Variants in CCR5AS observed in about 807,000 individuals in gnomAD.
CCR5AS encodes CCR5 antisense RNA.
chr3:46,387,356 C>G (rs1240257301), intron 2 of CCR5AS, among the ~76,000 whole-genome samples: 1 of 152,194 alleles, frequency 6.6e-6, no homozygotes, highest in African/African-American at 2.4e-5. Context: ...TTTCCTATGA[C>G]CAATGCCACC....
intron 2 of CCR5AS, chr3:46,373,654 A>C: frequency 1.2e-6 from 2 of 1,614,144 alleles, no homozygotes; most frequent in East Asian, 2.2e-5. Context: ...TGGGCTCCCT[A>C]CAACATTGTC....
intron 1 of CCR5AS, among the ~76,000 whole-genome samples, chr3:46,403,344 A>C (rs916094): frequency 0.25 from 37,414 of 152,178 alleles, 7,268 homozygotes; most frequent in African/African-American, 0.54. Context: ...TCATCCTAGC[A>C]TTTCCCCATC....
intron 3 of CCR5AS, among the ~76,000 whole-genome samples, chr3:46,368,251 A>T (rs529688443): frequency 6.6e-6 from 1 of 152,212 alleles, no homozygotes; most frequent in East Asian, 1.9e-4. Context: ...TGACAAAGTG[A>T]TCAAAAGTTC....
chr3:46,389,099 G>A (rs1408962305), intron 2 of CCR5AS, among the ~76,000 whole-genome samples: 1 of 149,538 alleles, frequency 6.7e-6, no homozygotes, highest in African/African-American at 2.5e-5. Flanking sequence ...TCCAAATAGT[G>A]GGGGTGACTG....
intron 2 of CCR5AS, among the ~76,000 whole-genome samples, chr3:46,380,828 T>A (rs1173587224): frequency 6.6e-6 from 1 of 152,230 alleles, no homozygotes; most frequent in African/African-American, 2.4e-5. Context: ...TGCCCTGTGG[T>A]TCCCCACTGT....
intron 2 of CCR5AS, among the ~76,000 whole-genome samples, chr3:46,386,312 C>T (rs1208870843): frequency 3.9e-5 from 6 of 152,218 alleles, no homozygotes; most frequent in East Asian, 1.9e-4. Flanking sequence ...CTTGTGACAG[C>T]GTCAACAGCC....
chr3:46,382,730 T>C (rs1701827094), intron 2 of CCR5AS, among the ~76,000 whole-genome samples: 1 of 152,192 alleles, frequency 6.6e-6, no homozygotes, highest in Non-Finnish European at 1.5e-5. Flanking sequence ...ATGTTTTCCA[T>C]GATTTAATTT....
chr3:46,373,581 GAGA>G (rs774845977), intron 2 of CCR5AS: 123 of 1,613,742 alleles, frequency 7.6e-5, no homozygotes, highest in Middle Eastern at 5.0e-4. Context: ...GTGTCGAAAT[GAGA>G]AGAAGAGGCA....
At position 46,376,034 on chromosome 3, in the gene CCR5AS, T is replaced by G. The variant is rs188577829; in HGVS notation, n.392-4617A>C. The G allele has an allele frequency of 3.4e-3, 569 of 167,190 alleles. 1 individual carries two copies. The highest frequency in any genetic ancestry group is 5.9e-3 in the Non-Finnish European group (403 of 68,108). The allele number at this position is 167,190 out of a possible 1,614,324, so 10.4% of individuals were successfully genotyped here. A position where few individuals can be genotyped will look rare whatever the true frequency, so the allele number is the denominator to read the frequency against. ...CAGCAGGAAGCAACGAAGGGAAATG[T>G]CTTTCCTTTTGCTCTTAAGTTGTGG... is the stretch of plus-strand genomic sequence containing the variant. On this transcript the variant is annotated intron_variant and non_coding_transcript_variant, in intron 2 of 3. Transcript: ENST00000451485.
At chr3:46,379,613 C>T (rs978444133) in intron 2 of CCR5AS, among the ~76,000 whole-genome samples, 3 of 152,092 alleles carry the variant, frequency 2.0e-5, no homozygotes, top group East Asian at 1.9e-4. Flanking sequence ...TGCACTGCTT[C>T]GCCAGGCGTG....
chr3:46,389,110 C>T lies in CCR5AS; in HGVS notation n.391+3715G>A, dbSNP rs367550885. 2.5e-4 allele frequency among the ~76,000 whole-genome samples: 37 copies of T among 148,744 alleles called. No individual in the cohort carries two copies. In the East Asian group the frequency reaches 3.1e-3, roughly 12 times the overall value. ...ACAGTCCAAATAGTGGGGGTGACTGCGTAGAGCTCTGTTGCAAAAAGTAGG... is the reference window on the plus strand; with the variant it reads ...ACAGTCCAAATAGTGGGGGTGACTGTGTAGAGCTCTGTTGCAAAAAGTAGG... On this transcript the variant is annotated intron_variant and non_coding_transcript_variant, in intron 2 of 3. Transcript: ENST00000451485.
At chr3:46,392,724 C>T (rs1056191703) in intron 2 of CCR5AS, 6 of 152,796 alleles carry the variant, frequency 3.9e-5, no homozygotes, top group African/African-American at 1.4e-4. Context: ...AAATGTGTCT[C>T]CTTTGTCTCT....
intron 2 of CCR5AS, among the ~76,000 whole-genome samples, chr3:46,380,568 C>G (rs1260061742): frequency 1.3e-5 from 2 of 152,190 alleles, no homozygotes; most frequent in Non-Finnish European, 2.9e-5. Context: ...GCCCTAAGCC[C>G]CAGAGACTCT....
At chr3:46,394,343 G>A (rs1173756223) in intron 1 of CCR5AS, among the ~76,000 whole-genome samples, 1 of 152,164 alleles carries the variant, frequency 6.6e-6, no homozygotes, top group African/African-American at 2.4e-5. Flanking sequence ...GGCATGTCAG[G>A]GGCTGCTACA....
chr3:46,383,169 T>C (rs944161489), intron 2 of CCR5AS, among the ~76,000 whole-genome samples: 1 of 152,128 alleles, frequency 6.6e-6, no homozygotes, highest in African/African-American at 2.4e-5. Flanking sequence ...GGGTATGAAA[T>C]CAACAGCATG....
At chr3:46,398,700 T>C (rs540767660) in intron 1 of CCR5AS, among the ~76,000 whole-genome samples, 2 of 152,292 alleles carry the variant, frequency 1.3e-5, no homozygotes, top group East Asian at 3.9e-4. Context: ...TAAATTCTTT[T>C]TTCTTGTCTT....
At chr3:46,387,482 T>C (rs950136999) in intron 2 of CCR5AS, among the ~76,000 whole-genome samples, 1 of 152,174 alleles carries the variant, frequency 6.6e-6, no homozygotes, top group Non-Finnish European at 1.5e-5. Flanking sequence ...ATTCTCAGAA[T>C]GAAGTAGTTC....
intron 2 of CCR5AS, among the ~76,000 whole-genome samples, chr3:46,390,755 G>T (rs1037292956): frequency 6.6e-6 from 1 of 152,138 alleles, no homozygotes; most frequent in Admixed American, 6.5e-5. Context: ...TAAGGAAGCT[G>T]GACAGGTGGG....
intron 1 of CCR5AS, among the ~76,000 whole-genome samples, chr3:46,400,044 G>A (rs1227171188): frequency 6.6e-6 from 1 of 152,102 alleles, no homozygotes; most frequent in African/African-American, 2.4e-5. Context: ...CTGGAGTGTA[G>A]TAGTAGTAGC....
Sources: gnomAD v4.1 joint callset for allele counts (sites outside exome capture counted in the v4.1 genomes callset) on GRCh38, gnomAD v4.1.1 for gene constraint, MANE v1.5 for transcripts, NCBI Gene and HGNC (gene_info 2026-07-23, HGNC 2026-07-21) for gene names.